The following PREX2 variants were observed in gnomAD, a reference collection of about 807,000 sequenced individuals.
PREX2 encodes the protein phosphatidylinositol 3,4,5-trisphosphate-dependent Rac exchanger 2 protein.
PREX2 carries 107 observed loss-of-function variants against 203.2 expected under a neutral mutation model. The observed-to-expected ratio is 0.53, with a 90% CI of 0.45 to 0.62. The LOEUF is 0.62. PREX2 is among the 20% of genes least tolerant of loss of function. The pLI is 0.00. For synonymous variants in PREX2, 672 were observed against 663.6 expected (o/e 1.01, Z -0.19); for missense variants, 1,777 against 1,955.9 (o/e 0.91, Z 1.72).
Position 68,017,853 on chromosome 8 carries a change from T to TA in PREX2, c.150dup (p.His51ThrfsTer12). 1 of 1,611,984 alleles carries TA rather than the reference T, an allele frequency of 6.2e-7. No individual in the cohort carries two copies. Among genetic ancestry groups the TA allele is most frequent in the Non-Finnish European group, 8.5e-7 (1 of 1,178,540 alleles). The stretch of plus-strand genomic sequence containing the variant: ...TCTTCTTGTTTCATGCAGGCATTCT[T>TA]ACACAGAATGAACCAGTGTGCAGCA... On this transcript the variant is annotated frameshift_variant, in exon 2 of 40. Transcript: ENST00000288368. LOFTEE classifies it high-confidence loss of function.
At chr8:68,167,650 G>T (rs1469829259) in intron 35 of PREX2, among the ~76,000 whole-genome samples, 1 of 151,854 alleles carries the variant, frequency 6.6e-6, no homozygotes, top group African/African-American at 2.4e-5. Flanking sequence ...CTAATCATGT[G>T]CTGTACTTGC....
At chr8:68,127,297 T>G in intron 30 of PREX2, 81 bp from the exon 31 acceptor site, 1 of 1,099,056 alleles carries the variant, frequency 9.1e-7, no homozygotes, top group Non-Finnish European at 1.3e-6. Context: ...AAGATCATAC[T>G]AATTTTGACT....
intron 11 of PREX2, among the ~76,000 whole-genome samples, chr8:68,065,093 G>A (rs1427140159): frequency 6.6e-6 from 1 of 152,200 alleles, no homozygotes; most frequent in Non-Finnish European, 1.5e-5. Context: ...AAATTTGAAT[G>A]CAGAACAGTT....
chr8:68,127,311 C>G (rs1260839088), intron 30 of PREX2, 67 bp from the exon 31 acceptor site: 3 of 1,221,712 alleles, frequency 2.5e-6, no homozygotes, highest in Non-Finnish European at 3.6e-6. Context: ...TTTGACTACA[C>G]AGTTAAAATA....
At chr8:68,089,046 G>T (rs1251096615) in intron 19 of PREX2, among the ~76,000 whole-genome samples, 1 of 151,994 alleles carries the variant, frequency 6.6e-6, no homozygotes, top group Non-Finnish European at 1.5e-5. Flanking sequence ...TTATTTTTTG[G>T]CACTGTAATT....
intron 17 of PREX2, among the ~76,000 whole-genome samples, chr8:68,081,333 G>A (rs907551708): frequency 2.0e-5 from 3 of 152,116 alleles, no homozygotes; most frequent in Admixed American, 2.0e-4. Context: ...CTCGCCCGCC[G>A]CTCACCTCCT....
chr8:67,957,630 A>G (rs1034542714), intron 1 of PREX2, among the ~76,000 whole-genome samples: 5 of 152,238 alleles, frequency 3.3e-5, no homozygotes, highest in Non-Finnish European at 2.9e-5. Context: ...GGCTTTGTAA[A>G]TAGCAGGTGC....
intron 11 of PREX2, among the ~76,000 whole-genome samples, chr8:68,064,573 T>C (rs1174418275): frequency 6.6e-6 from 1 of 151,988 alleles, no homozygotes; most frequent in Non-Finnish European, 1.5e-5. Context: ...AAATGAGGTC[T>C]TGTTATGTTG....
At chr8:68,098,775 C>T (rs541312712) in intron 22 of PREX2, among the ~76,000 whole-genome samples, 32 of 151,864 alleles carry the variant, frequency 2.1e-4, no homozygotes, top group African/African-American at 7.7e-4. Context: ...AATAAAAACT[C>T]ATACTCCATA....
At chr8:68,081,106 G>A (rs969031679) in intron 17 of PREX2, among the ~76,000 whole-genome samples, 5 of 152,076 alleles carry the variant, frequency 3.3e-5, no homozygotes, top group Non-Finnish European at 7.4e-5. Flanking sequence ...TTGGTACCAG[G>A]GACTGGTTTT....
rs61753697 is a variant in PREX2, at chr8:67,952,493, G to A, written c.99G>A (p.Lys33=). 0.31 allele frequency: 494,411 copies of A among 1,607,296 alleles called. 80,095 individuals carry two copies. Among genetic ancestry groups the A allele is most frequent in the East Asian group, 0.54 (23,837 of 44,372 alleles). ...LRVCVLSELQ[K]TERDYVGTLE... Reference sequence around the variant, plus strand: ...TGTGCGTGCTCAGCGAGCTCCAGAAGACCGAGCGGGACTATGTGGGCACGC... The same window carrying A: ...TGTGCGTGCTCAGCGAGCTCCAGAAAACCGAGCGGGACTATGTGGGCACGC... Residue 33 remains lysine (K), a synonymous_variant, in exon 1 of 40, where the codon AAG becomes AAA. Transcript: ENST00000288368.
chr8:67,954,451 TG>T (rs1357751021), intron 1 of PREX2, among the ~76,000 whole-genome samples: 4 of 152,232 alleles, frequency 2.6e-5, no homozygotes, highest in Non-Finnish European at 1.5e-5. Flanking sequence ...CTTGGTTACC[TG>T]AAGTTGATGT....
chr8:68,105,499 G>T (rs1810383976), intron 23 of PREX2: 1 of 1,157,670 alleles, frequency 8.6e-7, no homozygotes. Flanking sequence ...CCTAGCAAGA[G>T]AATCTTCTGC....
rs2129612214 is a variant in PREX2 at position 68,090,565 on chromosome 8, A to G, written c.2114-14A>G. The G allele has an allele frequency of 1.3e-6, 2 of 1,589,886 alleles. No individual in the cohort carries two copies. Among genetic ancestry groups the G allele is most frequent in the South Asian group, 1.1e-5 (1 of 88,820 alleles). ...GAAATTTGTTTTTGGTTATTTTCTC[A>G]TTTGTATTTATAGGAACTGTGGCTG... On this transcript the variant is annotated splice_polypyrimidine_tract_variant and intron_variant, in intron 19 of 39. Coordinates refer to ENST00000288368, the MANE Select transcript of PREX2 (RefSeq NM_024870.4).
chr8:67,967,800 T>A (rs955312120), intron 1 of PREX2, among the ~76,000 whole-genome samples: 14 of 152,058 alleles, frequency 9.2e-5, no homozygotes, highest in African/African-American at 3.4e-4. Context: ...GGATCAAGAG[T>A]ACCTTGCATT....
At chr8:68,025,251 G>C (rs530726263) in intron 4 of PREX2, among the ~76,000 whole-genome samples, 7 of 151,586 alleles carry the variant, frequency 4.6e-5, no homozygotes, top group African/African-American at 1.7e-4. Flanking sequence ...ATTTTTGAAG[G>C]ATAGTTTTAC....
chr8:68,010,252 G>A (rs1807220928), intron 1 of PREX2, among the ~76,000 whole-genome samples: 1 of 152,174 alleles, frequency 6.6e-6, no homozygotes, highest in East Asian at 1.9e-4. Flanking sequence ...CCACTACATT[G>A]TGGAAGATCC....
intron 1 of PREX2, among the ~76,000 whole-genome samples, chr8:67,995,567 C>T (rs71515081): frequency 0.12 from 18,931 of 152,102 alleles, 1,408 homozygotes; most frequent in Non-Finnish European, 0.18. Context: ...ATATTGTCAA[C>T]GTGAGTGAAA....
chr8:68,157,895 C>G (rs1386468703), intron 35 of PREX2, among the ~76,000 whole-genome samples: 3 of 151,862 alleles, frequency 2.0e-5, no homozygotes, highest in African/African-American at 4.8e-5. Flanking sequence ...TATGTACTTT[C>G]AAATGTGTCC....
Sources: allele counts gnomAD v4.1 joint callset (sites outside exome capture counted in the v4.1 genomes callset), GRCh38; gene constraint gnomAD v4.1.1; transcripts MANE v1.5; gene names NCBI Gene and HGNC (gene_info 2026-07-23, HGNC 2026-07-21).